VAMP1: variants seen among roughly 807,000 people sequenced by gnomAD.
The protein encoded by VAMP1 is vesicle associated membrane protein 1.
In VAMP1, 16 loss-of-function variants were observed where a neutral mutation model predicts 19.1. The observed-to-expected ratio is 0.84, with a 90% CI of 0.57 to 1.27. The LOEUF is 1.27. Ranked by LOEUF, VAMP1 falls within the 50% of genes most tolerant of loss-of-function variation. VAMP1 has a pLI of 0.00. For missense variants in VAMP1, 109 were observed against 145.4 expected, an observed-to-expected ratio of 0.75 and a Z score of 1.29; for synonymous variants, 37 against 50.2, an observed-to-expected ratio of 0.74 and a Z score of 1.11.
rs147277928 is a variant in VAMP1, at chr12:6,469,471, T to G, written c.2+1059A>C. ...GCCCAAAATGCATAGAACACTCATA[T>G]CTGGTTAAAACCATAGAAATCAAAA... is the stretch of plus-strand genomic sequence containing the variant. On this transcript the variant is annotated intron_variant, in intron 1 of 4. Transcript: ENST00000396308. 3.9e-3 allele frequency among the ~76,000 whole-genome samples: 593 copies of G among 152,354 alleles called. 1 individual carries two copies. Among genetic ancestry groups the G allele is most frequent in the Non-Finnish European group, 5.1e-3 (349 of 68,028 alleles).
In VAMP1 at chr12:6,462,724, T is replaced by G; in HGVS notation, c.*1746A>C. On this transcript the variant is annotated 3_prime_UTR_variant, in exon 5 of 5. Coordinates refer to ENST00000396308, the MANE Select transcript of VAMP1 (RefSeq NM_014231.5). The stretch of plus-strand genomic sequence containing the variant: ...TGGGACACATCGAGGACAGTGGTGG[T>G]TCTTCTCCAGCGGTGACCCCCTGCA... The G allele has an allele frequency of 8.3e-7, 1 of 1,205,692 alleles. No individual in the cohort carries two copies. The highest frequency in any genetic ancestry group is 1.2e-6 in the Non-Finnish European group (1 of 865,356). The allele number at this position is 1,205,692 out of a possible 1,614,324, so 74.7% of individuals were successfully genotyped here. A position where few individuals can be genotyped will look rare whatever the true frequency, so the allele number is the denominator to read the frequency against.
At chr12:6,465,351 G>GA (rs1157241969) in intron 3 of VAMP1, 3 of 237,086 alleles carry the variant, frequency 1.3e-5, no homozygotes, top group African/African-American at 4.8e-5. Flanking sequence ...AAAAGAAAAA[G>GA]AAAAAAGTAT....
rs771796946 is a variant in VAMP1, at chr12:6,464,881, G to T, written c.340+9C>A. 2.5e-6 allele frequency: 4 copies of T among 1,614,000 alleles called. No individual in the cohort carries two copies. The South Asian group carries it at 4.4e-5, about 18-fold the overall frequency. ...TCTTCACCCCACCAGCAACTTCAGC[G>T]ATACTTACTTACAATAACTACCACG... On this transcript the variant is annotated intron_variant, in intron 4 of 4. Transcript: ENST00000396308.
In VAMP1 at chr12:6,470,652, G is replaced by C; in HGVS notation, c.-121C>G. 6 of 1,326,474 alleles carry C rather than the reference G, an allele frequency of 4.5e-6. No homozygotes were observed. Among genetic ancestry groups the C allele is most frequent in the Non-Finnish European group, 4.3e-6 (4 of 938,492 alleles). The allele number at this position is 1,326,474 out of a possible 1,614,324, so 82.2% of individuals were successfully genotyped here. On this transcript the variant is annotated 5_prime_UTR_variant, in exon 1 of 5. Coordinates refer to ENST00000396308, the MANE Select transcript of VAMP1 (RefSeq NM_014231.5). ...AGCTCCGCCTCGCGCCGACTACCCCGCGGTCTAGCTGCGCTGGAACTTACT... is the reference window on the plus strand; with the variant it reads ...AGCTCCGCCTCGCGCCGACTACCCCCCGGTCTAGCTGCGCTGGAACTTACT...
chr12:6,465,358 G>GTA (rs10623425), intron 3 of VAMP1: 15,244 of 146,736 alleles, frequency 0.1, 2,098 homozygotes, highest in Non-Finnish European at 0.13. Flanking sequence ...AAAGAAAAAA[G>GTA]TATATATATA....
chr12:6,465,383 T>TATGTGTATATATATATAA lies in VAMP1; in HGVS notation c.289-443_289-442insTTATATATATATACACAT, dbSNP rs1949984344. On this transcript the variant is annotated intron_variant, in intron 3 of 4. Transcript: ENST00000396308. ...GTATATATATATATAAATGTATATA[T>TATGTGTATATATATATAA]ATGTATATATATATATAAATGTATA... 11 of 87,376 alleles carry TATGTGTATATATATATAA rather than the reference T, an allele frequency of 1.3e-4. 1 individual carries two copies. The South Asian group carries it at 1.7e-3, about 14-fold the overall frequency. The allele number at this position is 87,376 out of a possible 1,614,324, so 5.4% of individuals were successfully genotyped here.
At chr12:6,464,599 C>G (rs1026175019) in intron 4 of VAMP1, 113 bp from the exon 5 acceptor site, 57 of 1,458,868 alleles carry the variant, frequency 3.9e-5, no homozygotes, top group Non-Finnish European at 4.9e-5. Context: ...TGTTAAGTGC[C>G]CCATCCCCAT....
Position 6,465,977 on chromosome 12 carries a change from G to C in VAMP1, c.153C>G (p.Asn51Lys). 1 of 1,614,224 alleles carries C rather than the reference G, an allele frequency of 6.2e-7. No homozygotes were observed. Among genetic ancestry groups the C allele is most frequent in the Non-Finnish European group, 8.5e-7 (1 of 1,180,040 alleles). Reference sequence around the variant, plus strand: ...GGTCCCTCTCCAGGACCTTGTCCACGTTCACACGTATGATGTCCACCACCT... The same window carrying C: ...GGTCCCTCTCCAGGACCTTGTCCACCTTCACACGTATGATGTCCACCACCT... ...VEEVVDIIRVNVDKVLERDQK... is the reference protein window; with the variant it reads ...VEEVVDIIRVKVDKVLERDQK... The change falls in exon 3 of 5, where the codon AAC becomes AAG. Residue 51 changes from asparagine (N) to lysine (K), a missense_variant. Coordinates refer to ENST00000396308, the MANE Select transcript of VAMP1 (RefSeq NM_014231.5).
Position 6,462,682 on chromosome 12 carries a change from C to G in VAMP1, c.*1788G>C. The G allele has an allele frequency of 1.2e-6, 1 of 847,122 alleles. No homozygotes were observed. The highest frequency in any genetic ancestry group is 1.8e-6 in the Non-Finnish European group (1 of 550,062). The allele number at this position is 847,122 out of a possible 1,614,324, so 52.5% of individuals were successfully genotyped here. On this transcript the variant is annotated 3_prime_UTR_variant, in exon 5 of 5. Coordinates refer to ENST00000396308, the MANE Select transcript of VAMP1 (RefSeq NM_014231.5). Reference sequence around the variant, plus strand: ...GATAGGGCTGGGAGAGCCAAGAGGACGGATTCGCTCCAGGCTTGGGACACA... The same window carrying G: ...GATAGGGCTGGGAGAGCCAAGAGGAGGGATTCGCTCCAGGCTTGGGACACA...
intron 4 of VAMP1, 140 bp downstream of exon 4, chr12:6,464,750 G>T: frequency 6.6e-7 from 1 of 1,526,324 alleles, no homozygotes; most frequent in Non-Finnish European, 8.7e-7. Context: ...CCCCCGTCCC[G>T]AACCAGGTGA....
rs1287137823 is a variant in VAMP1 at position 6,463,043 on chromosome 12, C to G, written c.*1427G>C. 6.5e-6 allele frequency: 10 copies of G among 1,543,740 alleles called. No individual in the cohort carries two copies. Among genetic ancestry groups the G allele is most frequent in the Non-Finnish European group, 7.0e-6 (8 of 1,146,830 alleles). ...CGCTCTGTTCCCAGCCTGCCCTCCTCCCCTTGCACCTGGGCTTATCCCACA... is the reference window on the plus strand; with the variant it reads ...CGCTCTGTTCCCAGCCTGCCCTCCTGCCCTTGCACCTGGGCTTATCCCACA... On this transcript the variant is annotated 3_prime_UTR_variant, in exon 5 of 5. Coordinates refer to ENST00000396308, the MANE Select transcript of VAMP1 (RefSeq NM_014231.5). The surrounding 1 kb of genome is among the most constrained non-coding windows in gnomAD (Gnocchi z 4.0).
chr12:6,462,810 C>A lies in VAMP1; in HGVS notation c.*1660G>T. ...TTCGAGGGGGGCCGTTGGGAGGGTA[C>A]TGACTGCTTTCTTCCAGCTCTTCAG... On this transcript the variant is annotated 3_prime_UTR_variant, in exon 5 of 5. Transcript: ENST00000396308. 6.2e-7 allele frequency: 1 copy of A among 1,601,696 alleles called. No homozygotes were observed.
In VAMP1 at chr12:6,462,726, C is replaced by T; in HGVS notation, c.*1744G>A. ...GGACACATCGAGGACAGTGGTGGTT[C>T]TTCTCCAGCGGTGACCCCCTGCATT... On this transcript the variant is annotated 3_prime_UTR_variant, in exon 5 of 5. Coordinates refer to ENST00000396308, the MANE Select transcript of VAMP1 (RefSeq NM_014231.5). 2 of 1,227,664 alleles carry T rather than the reference C, an allele frequency of 1.6e-6. No homozygotes were observed. Among genetic ancestry groups the T allele is most frequent in the Non-Finnish European group, 2.3e-6 (2 of 885,022 alleles). The allele number at this position is 1,227,664 out of a possible 1,614,324, so 76.0% of individuals were successfully genotyped here. A position where few individuals can be genotyped will look rare whatever the true frequency, so the allele number is the denominator to read the frequency against.
chr12:6,468,420 G>C (rs1458397305), intron 1 of VAMP1, among the ~76,000 whole-genome samples: 1 of 152,194 alleles, frequency 6.6e-6, no homozygotes, highest in Non-Finnish European at 1.5e-5. Flanking sequence ...AGGACTGTTT[G>C]TTTGCTTTGT....
At chr12:6,466,091 C>A (rs1298349307) in intron 2 of VAMP1, 91 bp from the exon 3 acceptor site, 1 of 1,610,930 alleles carries the variant, frequency 6.2e-7, no homozygotes, top group Admixed American at 1.7e-5. Context: ...TGGCCCTGTG[C>A]AACTCTAAAG....
rs746403911 is a variant in VAMP1 at position 6,465,414 on chromosome 12, GTATATA to G, written c.288+422_288+427del. On this transcript the variant is annotated intron_variant, in intron 3 of 4. Transcript: ENST00000396308. ...TATATATATATAAATGTATATATAT[GTATATA>G]TATATATAAATGTATATATATGTAT... 1.5e-4 allele frequency: 6 copies of G among 39,306 alleles called. 1 individual carries two copies. Among genetic ancestry groups the G allele is most frequent in the Admixed American group, 2.7e-4 (1 of 3,768 alleles). The allele number at this position is 39,306 out of a possible 1,614,324, so 2.4% of individuals were successfully genotyped here.
At chr12:6,468,635 A>G (rs1945690675) in intron 1 of VAMP1, among the ~76,000 whole-genome samples, 2 of 152,178 alleles carry the variant, frequency 1.3e-5, no homozygotes. Flanking sequence ...TTACATCCCA[A>G]AGAGAGATCT....
At position 6,463,465 on chromosome 12, in the gene VAMP1, ATC is replaced by A; in HGVS notation, c.*1003_*1004del. 1 of 1,040,130 alleles carries A rather than the reference ATC, an allele frequency of 9.6e-7. No homozygotes were observed. Among genetic ancestry groups the A allele is most frequent in the African/African-American group, 1.7e-5 (1 of 58,304 alleles). 64.4% of individuals were successfully genotyped at this position (1,040,130 alleles called of 1,614,324 possible). A position where few individuals can be genotyped will look rare whatever the true frequency, so the allele number is the denominator to read the frequency against. ...GAAAGGATTCCATGGGTGTCCAAAGATCTCACACTGCTAACACCCTCACGCTC... is the reference window on the plus strand; with the variant it reads ...GAAAGGATTCCATGGGTGTCCAAAGATCACACTGCTAACACCCTCACGCTC... On this transcript the variant is annotated 3_prime_UTR_variant, in exon 5 of 5. Coordinates refer to ENST00000396308, the MANE Select transcript of VAMP1 (RefSeq NM_014231.5). The surrounding 1 kb of genome is among the most constrained non-coding windows in gnomAD (Gnocchi z 4.0).
chr12:6,462,985 G>A lies in VAMP1; in HGVS notation c.*1485C>T. On this transcript the variant is annotated 3_prime_UTR_variant, in exon 5 of 5. Transcript: ENST00000396308. ...CAGCCTCTTCCTGTTCGTGGACCGA[G>A]GGAAGAAGGAATAAAGGGCCATGGG... 1.3e-6 allele frequency: 2 copies of A among 1,551,190 alleles called. No homozygotes were observed. The highest frequency in any genetic ancestry group is 1.4e-5 in the African/African-American group (1 of 73,184).
Sources: gnomAD v4.1 joint callset for allele counts (sites outside exome capture counted in the v4.1 genomes callset) on GRCh38, gnomAD v4.1.1 for gene constraint, Gnocchi (gnomAD v3.1) non-coding constraint, MANE v1.5 for transcripts, NCBI Gene and HGNC (gene_info 2026-07-23, HGNC 2026-07-21) for gene names.